Variants in PTPRK observed in about 807,000 individuals in gnomAD.
The protein encoded by PTPRK is protein tyrosine phosphatase receptor type K.
In PTPRK, 75 loss-of-function variants were observed where a neutral mutation model predicts 178.0. That is an observed-to-expected ratio of 0.42 (90% CI 0.35 to 0.51). The LOEUF (loss-of-function observed/expected upper bound fraction) is 0.51. PTPRK is among the 20% of genes least tolerant of loss of function. The pLI is 0.02. For synonymous variants in PTPRK, 637 were observed against 620.6 expected (o/e 1.03, Z -0.39); for missense variants, 1,441 against 1,797.8 (o/e 0.80, Z 3.59).
At chr6:128,512,491 C>T (rs143895590) in intron 1 of PTPRK, among the ~76,000 whole-genome samples, 3 of 152,166 alleles carry the variant, frequency 2.0e-5, no homozygotes, top group African/African-American at 7.2e-5. Context: ...ACAAATATAG[C>T]AGTTGTGATT....
chr6:128,470,989 C>T (rs903712477), intron 1 of PTPRK, among the ~76,000 whole-genome samples: 17 of 149,256 alleles, frequency 1.1e-4, no homozygotes, highest in African/African-American at 4.2e-4. Context: ...AATCACATTA[C>T]ATTAAGAGCT....
intron 13 of PTPRK, among the ~76,000 whole-genome samples, chr6:128,026,156 A>C (rs1056258051): frequency 6.6e-6 from 1 of 152,184 alleles, no homozygotes; most frequent in African/African-American, 2.4e-5. Flanking sequence ...AAATAAGACA[A>C]AGAAGATCAT....
chr6:128,424,407 C>G (rs1421852547), intron 1 of PTPRK, among the ~76,000 whole-genome samples: 2 of 152,140 alleles, frequency 1.3e-5, no homozygotes, highest in East Asian at 1.9e-4. Flanking sequence ...GCCCACATCT[C>G]TCAAGGAAGT....
Position 128,009,100 on chromosome 6 carries a change from TGAGTGGGACAG to T in PTPRK, c.2333+19_2333+29del, listed in dbSNP as rs761556884. ...TAAAACCAGTGACATAAATGGTAAG[TGAGTGGGACAG>T]GACAATATTAGGCCTTACCTCTTTT... On this transcript the variant is annotated intron_variant, in intron 14 of 29. Coordinates refer to ENST00000368226, the MANE Select transcript of PTPRK (RefSeq NM_002844.4). The T allele has an allele frequency of 6.5e-7, 1 of 1,548,348 alleles. No individual in the cohort carries two copies. The highest frequency in any genetic ancestry group is 1.4e-5 in the African/African-American group (1 of 72,728).
At chr6:128,175,211 T>A (rs1800881532) in intron 7 of PTPRK, among the ~76,000 whole-genome samples, 1 of 151,878 alleles carries the variant, frequency 6.6e-6, no homozygotes. Context: ...ACTTCCCTAT[T>A]GAGACTAAAT....
chr6:128,015,575 G>A (rs1779510585), intron 13 of PTPRK, among the ~76,000 whole-genome samples: 1 of 151,640 alleles, frequency 6.6e-6, no homozygotes, highest in African/African-American at 2.4e-5. Flanking sequence ...AGGTAAATGC[G>A]AAGAAATGAC....
chr6:128,034,586 G>T (rs1027473377), intron 13 of PTPRK, among the ~76,000 whole-genome samples: 4 of 152,152 alleles, frequency 2.6e-5, no homozygotes, highest in Non-Finnish European at 5.9e-5. Flanking sequence ...CTCCAAGGTT[G>T]TAAACCTATA....
intron 1 of PTPRK, among the ~76,000 whole-genome samples, chr6:128,485,919 T>C (rs1562618352): frequency 1.3e-5 from 2 of 152,194 alleles, no homozygotes; most frequent in Admixed American, 6.5e-5. Flanking sequence ...CTACATACCA[T>C]CTTTTCATTT....
intron 7 of PTPRK, among the ~76,000 whole-genome samples, chr6:128,171,608 A>C (rs1800265166): frequency 6.6e-6 from 1 of 152,002 alleles, no homozygotes; most frequent in African/African-American, 2.4e-5. Flanking sequence ...TGAAAATTAA[A>C]CTATTATGTA....
At chr6:128,347,987 G>C (rs1832640599) in intron 2 of PTPRK, among the ~76,000 whole-genome samples, 2 of 151,968 alleles carry the variant, frequency 1.3e-5, no homozygotes, top group Admixed American at 1.3e-4. Flanking sequence ...ATGGGAATTA[G>C]ACTATGTCAG....
intron 7 of PTPRK, among the ~76,000 whole-genome samples, chr6:128,110,425 A>G (rs967669523): frequency 3.3e-5 from 5 of 152,126 alleles, no homozygotes; most frequent in Non-Finnish European, 4.4e-5. Flanking sequence ...GTTTCATTTA[A>G]CAGCTGAACA....
At chr6:128,183,295 GACATAGACAT>G (rs1802233701) in intron 7 of PTPRK, among the ~76,000 whole-genome samples, 1 of 152,080 alleles carries the variant, frequency 6.6e-6, no homozygotes, top group Non-Finnish European at 1.5e-5. Context: ...CGATTGAAAG[GACATAGACAT>G]ACAGAATATT....
chr6:128,001,117 T>C, intron 15 of PTPRK: 1 of 1,205,520 alleles, frequency 8.3e-7, no homozygotes, highest in African/African-American at 1.5e-5. Flanking sequence ...ATCATTATCC[T>C]TATTATACAT....
At chr6:128,462,036 C>T (rs1849113968) in intron 1 of PTPRK, among the ~76,000 whole-genome samples, 1 of 151,524 alleles carries the variant, frequency 6.6e-6, no homozygotes, top group South Asian at 2.1e-4. Context: ...GCGATGTTGC[C>T]CAGGCTATAC....
At chr6:128,506,236 C>G (rs1017505618) in intron 1 of PTPRK, among the ~76,000 whole-genome samples, 7 of 152,186 alleles carry the variant, frequency 4.6e-5, no homozygotes, top group Admixed American at 4.6e-4. Context: ...CCAGATAGGA[C>G]ATAATACTTA....
chr6:128,411,716 A>G (rs1455841478), intron 1 of PTPRK, among the ~76,000 whole-genome samples: 2 of 152,256 alleles, frequency 1.3e-5, no homozygotes, highest in Non-Finnish European at 2.9e-5. Context: ...TTTAAAATAC[A>G]AAAATTACTT....
chr6:127,973,770 G>T lies in PTPRK; in HGVS notation c.4027C>A (p.Arg1343=). The change falls in exon 28 of 30, where the codon CGA becomes AGA. Residue 1343 remains arginine, a synonymous_variant. Coordinates refer to ENST00000368226, the MANE Select transcript of PTPRK (RefSeq NM_002844.4). ...GACCTTTTGGATCCAGGCACTTCTC[G>T]ATGAGAAGCCCATCCTAGGTACTGA... ...QFQYLGWASH[R]EVPGSKRSFL... 1 of 1,613,902 alleles carries T rather than the reference G, an allele frequency of 6.2e-7. No individual in the cohort carries two copies. Among genetic ancestry groups the T allele is most frequent in the South Asian group, 1.1e-5 (1 of 91,054 alleles).
rs549383583 is a variant in PTPRK, at chr6:128,349,757, T to C, written c.224-27447A>G. 3.9e-5 allele frequency among the ~76,000 whole-genome samples: 6 copies of C among 152,312 alleles called. No individual in the cohort carries two copies. In the East Asian group the frequency reaches 1.2e-3, roughly 29 times the overall value. On this transcript the variant is annotated intron_variant, in intron 2 of 29. Transcript: ENST00000368226. ...TAGGCGTTATAGTCTATTTGTTCTG[T>C]TTTACTTGGGTAATAAGGAAATTTT...
At chr6:128,250,524 A>G (rs146600681) in intron 3 of PTPRK, among the ~76,000 whole-genome samples, 7 of 152,332 alleles carry the variant, frequency 4.6e-5, no homozygotes, top group Admixed American at 4.6e-4. Context: ...TAACTGTTTT[A>G]CCTAAAAGGG....
Sources: allele counts gnomAD v4.1 joint callset (sites outside exome capture counted in the v4.1 genomes callset), GRCh38; gene constraint gnomAD v4.1.1; transcripts MANE v1.5; gene names NCBI Gene and HGNC (gene_info 2026-07-23, HGNC 2026-07-21).